The following PCMT1 variants were observed in gnomAD, a reference collection of about 807,000 sequenced individuals.
The protein encoded by PCMT1 is protein-L-isoaspartate (D-aspartate) O-methyltransferase.
In PCMT1, 9 loss-of-function variants were observed where a neutral mutation model predicts 29.2. The observed-to-expected ratio is 0.31, with a 90% CI of 0.19 to 0.54. The LOEUF (loss-of-function observed/expected upper bound fraction) is 0.54, where lower values mean the gene tolerates loss of function less well. PCMT1 is among the 20% of genes least tolerant of loss of function. The pLI, the probability that PCMT1 is intolerant of heterozygous loss-of-function variation, is 0.95. For missense variants in PCMT1, 184 were observed against 282.2 expected (o/e 0.65, Z 2.49); for synonymous variants, 98 against 97.5 (o/e 1.00, Z -0.03).
At chr6:149,755,932 C>A (rs1412168319) in intron 1 of PCMT1, among the ~76,000 whole-genome samples, 1 of 152,138 alleles carries the variant, frequency 6.6e-6, no homozygotes, top group Non-Finnish European at 1.5e-5. Context: ...GAGGAGTAGA[C>A]ACATATCACG....
At chr6:149,751,055 G>A (rs1422269006) in intron 1 of PCMT1, among the ~76,000 whole-genome samples, 1 of 152,082 alleles carries the variant, frequency 6.6e-6, no homozygotes, top group African/African-American at 2.4e-5. Flanking sequence ...ATTGGCTCAC[G>A]CCTGTAATGC....
intron 1 of PCMT1, among the ~76,000 whole-genome samples, chr6:149,760,637 AG>A (rs1786696979): frequency 6.6e-6 from 1 of 152,100 alleles, no homozygotes; most frequent in Non-Finnish European, 1.5e-5. Context: ...GCGGATCACG[AG>A]GTCAGGAGAT....
intron 3 of PCMT1, among the ~76,000 whole-genome samples, chr6:149,787,639 A>G (rs1788176873): frequency 6.6e-6 from 1 of 152,126 alleles, no homozygotes; most frequent in Non-Finnish European, 1.5e-5. Context: ...CTGGGATTAC[A>G]GGTGTGAGCC....
chr6:149,772,542 C>T (rs3805748), intron 2 of PCMT1: 210,880 of 444,020 alleles, frequency 0.47, 56,368 homozygotes, highest in East Asian at 0.83. Flanking sequence ...TACTGAAATT[C>T]TTCCTTTCTT....
intron 1 of PCMT1, among the ~76,000 whole-genome samples, chr6:149,756,167 G>A (rs1294494343): frequency 6.6e-6 from 1 of 152,040 alleles, no homozygotes; most frequent in Admixed American, 6.6e-5. Context: ...TTTGAGGAAT[G>A]CTTTTCTTAT....
intron 3 of PCMT1, among the ~76,000 whole-genome samples, chr6:149,787,835 G>GTGTGTGTGTA: frequency 1.3e-5 from 2 of 152,022 alleles, no homozygotes; most frequent in East Asian, 3.9e-4. Flanking sequence ...GTGTGTGTGT[G>GTGTGTGTGTA]TGTGTGTGTA....
At chr6:149,766,953 G>T (rs1787109666) in intron 1 of PCMT1, among the ~76,000 whole-genome samples, 1 of 152,152 alleles carries the variant, frequency 6.6e-6, no homozygotes, top group South Asian at 2.1e-4. Flanking sequence ...GCTCACATCT[G>T]TAATCCCAGC....
In PCMT1 at chr6:149,773,062, A is replaced by G. The variant is rs1014765246; in HGVS notation, c.161-76A>G. 5.3e-6 allele frequency: 5 copies of G among 951,434 alleles called. No individual in the cohort carries two copies. In the African/African-American group the frequency reaches 6.7e-5, roughly 13 times the overall value. The allele number at this position is 951,434 out of a possible 1,614,324, so 58.9% of individuals were successfully genotyped here. On this transcript the variant is annotated intron_variant, in intron 2 of 7. Transcript: ENST00000464889. ...AATTATTGTGAAAAATAACGTATGGATGGTAGAAAAGAAATTATGTGAAAT... is the reference window on the plus strand; with the variant it reads ...AATTATTGTGAAAAATAACGTATGGGTGGTAGAAAAGAAATTATGTGAAAT...
At chr6:149,803,610 A>T (rs968503085) in intron 7 of PCMT1, among the ~76,000 whole-genome samples, 8 of 152,114 alleles carry the variant, frequency 5.3e-5, no homozygotes, top group Non-Finnish European at 8.8e-5. Context: ...ATGCCAAAAC[A>T]AGAACGGCTT....
At chr6:149,785,863 C>G (rs1166003491) in intron 3 of PCMT1, among the ~76,000 whole-genome samples, 1 of 152,212 alleles carries the variant, frequency 6.6e-6, no homozygotes, top group Non-Finnish European at 1.5e-5. Flanking sequence ...CACCTTTCCC[C>G]CCTTTCTATT....
chr6:149,756,617 A>T (rs1184783788), intron 1 of PCMT1, among the ~76,000 whole-genome samples: 1 of 139,326 alleles, frequency 7.2e-6, no homozygotes, highest in Non-Finnish European at 1.5e-5. Flanking sequence ...CACCCGCCTC[A>T]GTCTCCAATA....
chr6:149,752,264 C>A (rs1171498690), intron 1 of PCMT1, among the ~76,000 whole-genome samples: 1 of 151,746 alleles, frequency 6.6e-6, no homozygotes, highest in Non-Finnish European at 1.5e-5. Context: ...ATGGCGTGAT[C>A]TTGGCTCACT....
At chr6:149,782,598 A>G (rs907327048) in intron 3 of PCMT1, among the ~76,000 whole-genome samples, 1 of 152,214 alleles carries the variant, frequency 6.6e-6, no homozygotes, top group Non-Finnish European at 1.5e-5. Context: ...GAAGTACTCA[A>G]AGGCTGAGGA....
intron 5 of PCMT1, chr6:149,794,848 A>G: frequency 8.2e-6 from 4 of 490,222 alleles, no homozygotes. Context: ...GTGACAGATC[A>G]CGGGATTCAT....
chr6:149,771,229 A>G lies in PCMT1; in HGVS notation c.123A>G (p.Ala41=). The change falls in exon 2 of 8, where the codon GCA becomes GCG. Residue 41 remains alanine (A), a synonymous_variant. Coordinates refer to ENST00000464889, the MANE Select transcript of PCMT1 (RefSeq NM_001360452.2). Reference sequence around the variant, plus strand: ...TGGCTACAGACCGCTCCCACTATGCAAAATGTAACCCATACATGGATTCTC... The same window carrying G: ...TGGCTACAGACCGCTCCCACTATGCGAAATGTAACCCATACATGGATTCTC... The part of the protein sequence containing the change: ...VMLATDRSHY[A]KCNPYMDSPQ... The G allele has an allele frequency of 6.2e-7, 1 of 1,610,786 alleles. No homozygotes were observed. The highest frequency in any genetic ancestry group is 8.5e-7 in the Non-Finnish European group (1 of 1,177,132).
chr6:149,776,887 T>C (rs1304993219), intron 3 of PCMT1, among the ~76,000 whole-genome samples: 1 of 152,212 alleles, frequency 6.6e-6, no homozygotes, highest in Non-Finnish European at 1.5e-5. Context: ...GAAGACAATT[T>C]GGCAGTATCT....
chr6:149,805,500 A>C (rs888151760), intron 7 of PCMT1, among the ~76,000 whole-genome samples: 2 of 152,004 alleles, frequency 1.3e-5, no homozygotes, highest in African/African-American at 4.8e-5. Flanking sequence ...AGGCTGAAGC[A>C]GGAGAATGGC....
chr6:149,783,544 A>G (rs770949868), intron 3 of PCMT1, among the ~76,000 whole-genome samples: 29 of 152,240 alleles, frequency 1.9e-4, no homozygotes, highest in Admixed American at 3.3e-4. Flanking sequence ...GTGGTCCAAT[A>G]TTATATACTT....
rs146259808 is a variant in PCMT1, at chr6:149,803,400, C to G, written c.*37+984C>G. Among the ~76,000 whole-genome samples the G allele has an allele frequency of 4.0e-3, 603 of 152,196 alleles. 3 individuals are homozygous for G. The highest frequency in any genetic ancestry group is 0.014 in the African/African-American group (575 of 41,550). On this transcript the variant is annotated intron_variant, in intron 7 of 7. Transcript: ENST00000464889. ...GAGTGCCCAGGTCTCACAAACCCACCCAGAGGGTCAGCAGCATGCAGCAAC... is the reference window on the plus strand; with the variant it reads ...GAGTGCCCAGGTCTCACAAACCCACGCAGAGGGTCAGCAGCATGCAGCAAC...
Sources: allele counts gnomAD v4.1 joint callset (sites outside exome capture counted in the v4.1 genomes callset), GRCh38; gene constraint gnomAD v4.1.1; transcripts MANE v1.5; gene names NCBI Gene and HGNC (gene_info 2026-07-23, HGNC 2026-07-21).